RNF2: variants seen among roughly 807,000 people sequenced by gnomAD.
The protein encoded by RNF2 is E3 ubiquitin-protein ligase RING2.
Under a neutral mutation model 37.2 loss-of-function variants are expected in RNF2, and 6 were observed. The observed-to-expected ratio is 0.16, with a 90% CI of 0.09 to 0.32. The LOEUF is 0.32. Among genes scored for constraint, RNF2 ranks in the 10% least tolerant of loss-of-function variants. RNF2 has a pLI of 1.00. For synonymous variants in RNF2, 133 were observed against 132.7 expected (o/e 1.00, Z -0.02); for missense variants, 251 against 404.0 (o/e 0.62, Z 3.25).
At chr1:185,052,140 A>C (rs901609632) in intron 1 of RNF2, among the ~76,000 whole-genome samples, 3 of 152,128 alleles carry the variant, frequency 2.0e-5, no homozygotes, top group African/African-American at 7.2e-5. Flanking sequence ...CCTTCAGACC[A>C]TTTCAGACTC....
intron 5 of RNF2, 135 bp downstream of exon 5, chr1:185,098,479 G>C: frequency 9.5e-7 from 1 of 1,048,360 alleles, no homozygotes; most frequent in South Asian, 1.6e-5. Context: ...TAGCTGCCTA[G>C]ATTGTTGTTT....
At chr1:185,081,038 A>G (rs541059146) in intron 1 of RNF2, among the ~76,000 whole-genome samples, 3 of 152,170 alleles carry the variant, frequency 2.0e-5, no homozygotes, top group African/African-American at 7.2e-5. Flanking sequence ...AGATCTATCT[A>G]GGATATATGT....
chr1:185,069,751 C>T (rs375103044), intron 1 of RNF2, among the ~76,000 whole-genome samples: 39 of 152,300 alleles, frequency 2.6e-4, no homozygotes, highest in African/African-American at 8.7e-4. Flanking sequence ...AAATAATTTG[C>T]TAATTTCTAA....
chr1:185,056,346 ATT>A (rs968960025), intron 1 of RNF2, among the ~76,000 whole-genome samples: 14 of 149,772 alleles, frequency 9.3e-5, no homozygotes, highest in Non-Finnish European at 1.6e-4. Flanking sequence ...ATTATCCATC[ATT>A]CTTTTTTTTT....
In RNF2 at chr1:185,087,546, T is replaced by C; in HGVS notation, c.-2-6T>C. 6.2e-7 allele frequency: 1 copy of C among 1,613,646 alleles called. No individual in the cohort carries two copies. The highest frequency in any genetic ancestry group is 8.5e-7 in the Non-Finnish European group (1 of 1,179,516). The stretch of plus-strand genomic sequence containing the variant: ...AAAATTGTTTTTCTCTCTTCTTTAT[T>C]TCCAGCAATGTCTCAGGCTGTGCAG... On this transcript the variant is annotated splice_region_variant and splice_polypyrimidine_tract_variant and intron_variant, in intron 1 of 6. Coordinates refer to ENST00000367510, the MANE Select transcript of RNF2 (RefSeq NM_007212.4).
chr1:185,076,308 T>TTTTTTG (rs1431777673), intron 1 of RNF2, among the ~76,000 whole-genome samples: 14 of 113,290 alleles, frequency 1.2e-4, no homozygotes, highest in Admixed American at 3.1e-4. Context: ...TTTTTTTTTT[T>TTTTTTG]GAGACAGAGT....
At chr1:185,095,136 G>A (rs190561363) in intron 4 of RNF2, among the ~76,000 whole-genome samples, 426 of 152,324 alleles carry the variant, frequency 2.8e-3, no homozygotes, top group Non-Finnish European at 5.2e-3. Context: ...AATGTTAAAT[G>A]TATTTATTTT....
At position 185,099,907 on chromosome 1, in the gene RNF2, C is replaced by G. The variant is rs749585829; in HGVS notation, c.854C>G (p.Thr285Arg). The G allele has an allele frequency of 3.2e-5, 52 of 1,614,018 alleles. No individual in the cohort carries two copies. In the East Asian group the frequency reaches 1.1e-3, roughly 33 times the overall value. The change falls in exon 6 of 7, where the codon ACA (threonine) becomes AGA (arginine). Residue 285 changes from threonine (T) to arginine (R), a missense_variant. Around this residue, in one of 7 missense-constraint regions of RNF2, gnomAD observed 59 missense variants for 69.1 expected, o/e 0.85. Coordinates refer to ENST00000367510, the MANE Select transcript of RNF2 (RefSeq NM_007212.4). ...KGESNQMNLDTASEKQYTIYI... is the reference protein window; with the variant it reads ...KGESNQMNLDRASEKQYTIYI... ...GAATCAAACCAGATGAACCTTGATA[C>G]AGCCAGTGAGAAGCAGTATACCATT...
At chr1:185,051,176 A>G (rs1455910171) in intron 1 of RNF2, among the ~76,000 whole-genome samples, 3 of 152,212 alleles carry the variant, frequency 2.0e-5, no homozygotes. Context: ...CCATGCCAGT[A>G]ATTGCATTAA....
intron 1 of RNF2, chr1:185,071,855 T>C (rs1650985731): frequency 6.6e-6 from 1 of 152,632 alleles, no homozygotes; most frequent in Non-Finnish European, 1.5e-5. Flanking sequence ...TTTCTTGATA[T>C]GCCGAAGGAA....
chr1:185,101,035 A>G lies in RNF2; in HGVS notation c.*734A>G, dbSNP rs1425382093. ...CTGAAGAAAGAAAAATTAAATTGGT[A>G]GTAAAATATAGTCTTCAAGTATACG... On this transcript the variant is annotated 3_prime_UTR_variant, in exon 7 of 7. Transcript: ENST00000367510. The G allele has an allele frequency of 6.6e-6, 1 of 152,512 alleles. No homozygotes were observed. The highest frequency in any genetic ancestry group is 1.5e-5 in the Non-Finnish European group (1 of 67,946). 9.4% of individuals were successfully genotyped at this position (152,512 alleles called of 1,614,324 possible).
intron 1 of RNF2, among the ~76,000 whole-genome samples, chr1:185,070,926 T>G (rs1327603522): frequency 1.3e-5 from 2 of 152,184 alleles, no homozygotes; most frequent in Non-Finnish European, 2.9e-5. Flanking sequence ...CGTGAGCCAC[T>G]GCACCCGGCC....
chr1:185,091,814 TTTTC>T, intron 3 of RNF2, 75 bp downstream of exon 3: 1 of 1,370,734 alleles, frequency 7.3e-7, no homozygotes, highest in Middle Eastern at 1.9e-4. Flanking sequence ...GAGAAATACA[TTTTC>T]TTTTTTTTTT....
intron 1 of RNF2, among the ~76,000 whole-genome samples, chr1:185,050,996 T>C (rs1212441075): frequency 6.6e-6 from 1 of 152,258 alleles, no homozygotes; most frequent in East Asian, 1.9e-4. Flanking sequence ...TTTTTCTCCT[T>C]CCTGTATTGA....
chr1:185,081,841 A>G (rs1651420037), intron 1 of RNF2, among the ~76,000 whole-genome samples: 1 of 152,164 alleles, frequency 6.6e-6, no homozygotes, highest in South Asian at 2.1e-4. Flanking sequence ...TTTGCTGAGC[A>G]TATTTCTCAG....
chr1:185,094,256 C>T (rs1022136854), intron 4 of RNF2, among the ~76,000 whole-genome samples: 12 of 152,134 alleles, frequency 7.9e-5, no homozygotes, highest in African/African-American at 2.9e-4. Context: ...GATTCTCCTG[C>T]TTTAGCGTCT....
rs188117403 is a variant in RNF2 at position 185,098,239 on chromosome 1, A to G, written c.632A>G (p.Asn211Ser). 3.6e-5 allele frequency: 58 copies of G among 1,614,212 alleles called. No individual in the cohort carries two copies. In the East Asian group the frequency reaches 1.1e-3, roughly 31 times the overall value. ...DDSGLELDNN[N>S]AAMAIDPVMD... ...TCTGGGCTAGAGCTTGATAATAACA[A>G]TGCAGCAATGGCAATTGATCCAGTA... is the stretch of plus-strand genomic sequence containing the variant. Residue 211 changes from asparagine (N) to serine (S), a missense_variant, in exon 5 of 7, where the codon AAT (asparagine) becomes AGT (serine). Around this residue, in one of 7 missense-constraint regions of RNF2, gnomAD observed 94 missense variants for 99.2 expected, o/e 0.95. Coordinates refer to ENST00000367510, the MANE Select transcript of RNF2 (RefSeq NM_007212.4).
intron 1 of RNF2, among the ~76,000 whole-genome samples, chr1:185,085,291 G>T (rs1365460567): frequency 6.6e-6 from 1 of 151,248 alleles, no homozygotes; most frequent in African/African-American, 2.4e-5. Context: ...TGGGACTACA[G>T]GCGCCCGCCA....
intron 1 of RNF2, among the ~76,000 whole-genome samples, chr1:185,087,288 G>A (rs951156095): frequency 2.0e-5 from 3 of 152,152 alleles, no homozygotes; most frequent in Admixed American, 2.0e-4. Context: ...GTCTGGTGAG[G>A]GCCTATTCCT....
Sources: allele counts gnomAD v4.1 joint callset (sites outside exome capture counted in the v4.1 genomes callset), GRCh38; gene constraint gnomAD v4.1.1; regional missense constraint gnomAD v4.1.1; transcripts MANE v1.5; gene names NCBI Gene and HGNC (gene_info 2026-07-23, HGNC 2026-07-21).